The following ZFYVE16 variants were observed in gnomAD, a reference collection of about 807,000 sequenced individuals.
The protein encoded by ZFYVE16 is zinc finger FYVE-type containing 16, also known as zinc finger FYVE domain-containing protein 16.
Under a neutral mutation model 138.1 loss-of-function variants are expected in ZFYVE16, and 89 were observed. That is an observed-to-expected ratio of 0.64 (90% CI 0.54 to 0.77). The LOEUF is 0.77. Among genes scored for constraint, ZFYVE16 ranks in the 30% least tolerant of loss-of-function variants. ZFYVE16 has a pLI of 0.00. For synonymous variants in ZFYVE16, 596 were observed against 618.3 expected, an observed-to-expected ratio of 0.96 and a Z score of 0.53; for missense variants, 1,793 against 1,786.7, an observed-to-expected ratio of 1.00 and a Z score of -0.06.
intron 1 of ZFYVE16, among the ~76,000 whole-genome samples, chr5:80,411,048 C>T (rs556035929): frequency 6.6e-6 from 1 of 151,680 alleles, no homozygotes; most frequent in Admixed American, 6.6e-5. Flanking sequence ...CTCACTGCAA[C>T]CTCCGCCTCC....
rs779550328 is a variant in ZFYVE16, at chr5:80,439,016, T to C, written c.2322+9T>C. Reference sequence around the variant, plus strand: ...GCCGAGCATGTGGGAAAGTAAGTTATAAAAATCTTTTAAGTCTTTTGTTCT... The same window carrying C: ...GCCGAGCATGTGGGAAAGTAAGTTACAAAAATCTTTTAAGTCTTTTGTTCT... On this transcript the variant is annotated intron_variant, in intron 4 of 18. Transcript: ENST00000505560. 9 of 1,592,212 alleles carry C rather than the reference T, an allele frequency of 5.7e-6. No homozygotes were observed. In the South Asian group the frequency reaches 1.0e-4, roughly 18 times the overall value.
At chr5:80,433,821 T>A (rs1210451751) in intron 2 of ZFYVE16, among the ~76,000 whole-genome samples, 1 of 152,186 alleles carries the variant, frequency 6.6e-6, no homozygotes, top group African/African-American at 2.4e-5. Context: ...TTATAAGTAG[T>A]TTTAGCTTTC....
chr5:80,468,051 G>T (rs888075526), intron 15 of ZFYVE16, among the ~76,000 whole-genome samples: 2 of 152,142 alleles, frequency 1.3e-5, no homozygotes, highest in Non-Finnish European at 2.9e-5. Context: ...GAGGTTGATG[G>T]CACCCATATG....
intron 1 of ZFYVE16, among the ~76,000 whole-genome samples, chr5:80,423,078 G>C (rs1472966507): frequency 6.6e-6 from 1 of 152,090 alleles, no homozygotes; most frequent in African/African-American, 2.4e-5. Context: ...CTTTTTTCTG[G>C]AAGAGATTAT....
chr5:80,448,431 A>G, intron 8 of ZFYVE16, 27 bp downstream of exon 8: 3 of 1,438,640 alleles, frequency 2.1e-6, no homozygotes, highest in Non-Finnish European at 2.7e-6. Context: ...TTAAATTTAA[A>G]AAGATTTAAA....
chr5:80,432,896 C>T (rs1461425337), intron 2 of ZFYVE16, among the ~76,000 whole-genome samples: 2 of 152,136 alleles, frequency 1.3e-5, no homozygotes, highest in Non-Finnish European at 2.9e-5. Context: ...AATGAGATAC[C>T]GTCTCACACC....
At chr5:80,463,655 G>A (rs929075655) in intron 15 of ZFYVE16, among the ~76,000 whole-genome samples, 14 of 152,100 alleles carry the variant, frequency 9.2e-5, no homozygotes, top group African/African-American at 3.1e-4. Flanking sequence ...TTTCTTTATC[G>A]CGTTATCAGG....
intron 1 of ZFYVE16, among the ~76,000 whole-genome samples, chr5:80,410,913 A>G (rs1745343625): frequency 6.6e-6 from 1 of 151,276 alleles, no homozygotes; most frequent in East Asian, 1.9e-4. Context: ...CAACAAAATT[A>G]TGTTTTCTCG....
chr5:80,415,312 T>G (rs549213027), intron 1 of ZFYVE16, among the ~76,000 whole-genome samples: 52 of 152,338 alleles, frequency 3.4e-4, no homozygotes, highest in Non-Finnish European at 5.9e-4. Context: ...ATGGTACATT[T>G]GTTATAATTA....
In ZFYVE16 at chr5:80,473,809, A is replaced by G. The variant is rs1754619274; in HGVS notation, c.4243A>G (p.Lys1415Glu). Reference sequence around the variant, plus strand: ...ACAAGGATTTCCAAGTGAAAAAATAAAACTGGAAGCAGATTTTGAAACCGA... The same window carrying G: ...ACAAGGATTTCCAAGTGAAAAAATAGAACTGGAAGCAGATTTTGAAACCGA... The part of the protein sequence containing the change: ...SLQGFPSEKI[K>E]LEADFETDEK... The change falls in exon 17 of 19, where the codon AAA becomes GAA. Residue 1415 changes from lysine to glutamate, a missense_variant. Transcript: ENST00000505560. 1.9e-6 allele frequency: 3 copies of G among 1,613,522 alleles called. No homozygotes were observed. The highest frequency in any genetic ancestry group is 2.5e-6 in the Non-Finnish European group (3 of 1,179,666).
intron 6 of ZFYVE16, among the ~76,000 whole-genome samples, chr5:80,444,281 T>C (rs1322371748): frequency 6.6e-6 from 1 of 152,146 alleles, no homozygotes; most frequent in Non-Finnish European, 1.5e-5. Flanking sequence ...TTTGAAAATA[T>C]GTATATATTC....
intron 15 of ZFYVE16, among the ~76,000 whole-genome samples, chr5:80,465,396 C>CTTTTTTTTTTTTTTTTTTTTTT: frequency 3.8e-5 from 1 of 26,370 alleles, no homozygotes; most frequent in Non-Finnish European, 1.0e-4. Context: ...TTTTCCTTTT[C>CTTTTTTTTTTTTTTTTTTTTTT]TTTGTTTTTT....
chr5:80,414,035 T>C (rs146709536), intron 1 of ZFYVE16, among the ~76,000 whole-genome samples: 2 of 152,362 alleles, frequency 1.3e-5, no homozygotes, highest in East Asian at 3.9e-4. Context: ...TATGTAAATA[T>C]TGTATGTAGC....
intron 12 of ZFYVE16, chr5:80,456,112 T>C: frequency 3.3e-6 from 1 of 300,098 alleles, no homozygotes; most frequent in South Asian, 5.0e-5. Context: ...TCAGTCAGTC[T>C]TGTGATTTTG....
intron 1 of ZFYVE16, among the ~76,000 whole-genome samples, chr5:80,421,775 C>T (rs1296486193): frequency 2.6e-5 from 4 of 152,072 alleles, no homozygotes; most frequent in African/African-American, 9.7e-5. Flanking sequence ...CTCGGCAATG[C>T]GGGCCCTTTT....
intron 15 of ZFYVE16, among the ~76,000 whole-genome samples, chr5:80,459,995 T>C (rs1752940040): frequency 6.6e-6 from 1 of 152,174 alleles, no homozygotes; most frequent in Admixed American, 6.6e-5. Context: ...CTAGAGTTTC[T>C]GTAAAATATA....
At position 80,474,705 on chromosome 5, in the gene ZFYVE16, A is replaced by G. The variant is rs1754718393; in HGVS notation, c.4336A>G (p.Thr1446Ala). 1 of 1,613,600 alleles carries G rather than the reference A, an allele frequency of 6.2e-7. No individual in the cohort carries two copies. Among genetic ancestry groups the G allele is most frequent in the South Asian group, 1.1e-5 (1 of 91,028 alleles). ...LKDQDLSILSTSYQFAKEIAM... is the reference protein window; with the variant it reads ...LKDQDLSILSASYQFAKEIAM... ...GGACCAGGATTTATCTATTTTATCA[A>G]CTTCTTATCAGTTTGCAAAAGAAAT... The change falls in exon 18 of 19, where the codon ACT becomes GCT. Residue 1446 changes from threonine (T) to alanine (A), a missense_variant. Physicochemically the swap from Thr to Ala is moderately conservative, Grantham distance 58. Coordinates refer to ENST00000505560, the MANE Select transcript of ZFYVE16 (RefSeq NM_001284236.3).
intron 9 of ZFYVE16, 42 bp downstream of exon 9, chr5:80,449,755 G>A (rs777761803): frequency 6.5e-7 from 1 of 1,535,700 alleles, no homozygotes; most frequent in Non-Finnish European, 8.8e-7. Flanking sequence ...TGGTAAGCAG[G>A]ATTTCTGAAT....
chr5:80,438,856 A>T lies in ZFYVE16; in HGVS notation c.2171A>T (p.Asp724Val). 1 of 1,614,118 alleles carries T rather than the reference A, an allele frequency of 6.2e-7. No individual in the cohort carries two copies. Among genetic ancestry groups the T allele is most frequent in the Non-Finnish European group, 8.5e-7 (1 of 1,179,962 alleles). ...GGSSFVTANE[D>V]SVPENTCKEG... ...TCTAGTTTCGTAACTGCAAATGAAGATTCTGTACCTGAAAACACTTGCAAA... is the reference window on the plus strand; with the variant it reads ...TCTAGTTTCGTAACTGCAAATGAAGTTTCTGTACCTGAAAACACTTGCAAA... Residue 724 changes from aspartate to valine, a missense_variant, in exon 4 of 19, where the codon GAT (aspartate) becomes GTT (valine). Coordinates refer to ENST00000505560, the MANE Select transcript of ZFYVE16 (RefSeq NM_001284236.3).
Sources: allele counts gnomAD v4.1 joint callset (sites outside exome capture counted in the v4.1 genomes callset), GRCh38; gene constraint gnomAD v4.1.1; transcripts MANE v1.5; gene names NCBI Gene and HGNC (gene_info 2026-07-23, HGNC 2026-07-21).